RGL2: variants seen among roughly 807,000 people sequenced by gnomAD.
RGL2 encodes ral guanine nucleotide dissociation stimulator like 2.
A neutral mutation model predicts 84.6 loss-of-function variants in RGL2; 40 were observed. That is an observed-to-expected ratio of 0.47 (90% confidence interval 0.37 to 0.62). The LOEUF (loss-of-function observed/expected upper bound fraction) is 0.62, where lower values mean the gene tolerates loss of function less well. Among genes scored for constraint, RGL2 ranks in the 20% least tolerant of loss-of-function variants. RGL2 has a pLI of 0.00. For synonymous variants in RGL2, 369 were observed against 417.3 expected (o/e 0.88, Z 1.41); for missense variants, 865 against 1,019.7 (o/e 0.85, Z 2.07).
Position 33,296,507 on chromosome 6 carries a change from C to A in RGL2, c.420-43G>T, listed in dbSNP as rs772100294. 1.3e-6 allele frequency: 2 copies of A among 1,587,632 alleles called. No individual in the cohort carries two copies. The highest frequency in any genetic ancestry group is 1.7e-6 in the Non-Finnish European group (2 of 1,167,438). On this transcript the variant is annotated intron_variant, in intron 4 of 17. Transcript: ENST00000497454. This position sits in a 1 kb window ranked among gnomAD's most constrained non-coding sequence, Gnocchi z 5.0. ...ATCTATCTGTCCATTTTTCCCAAACCCTCAGTGGCTTTGACTATTTTGGTG... is the reference window on the plus strand; with the variant it reads ...ATCTATCTGTCCATTTTTCCCAAACACTCAGTGGCTTTGACTATTTTGGTG...
chr6:33,301,093 C>T (rs563786088), upstream of RGL2: 3 of 152,038 alleles, frequency 2.0e-5, no homozygotes, highest in African/African-American at 7.2e-5. Flanking sequence ...CCTATGTATT[C>T]TCGTGTTTTA....
chr6:33,294,576 C>G lies in RGL2; in HGVS notation c.1353+112G>C. 1 of 1,156,784 alleles carries G rather than the reference C, an allele frequency of 8.6e-7. No homozygotes were observed. Among genetic ancestry groups the G allele is most frequent in the East Asian group, 2.4e-5 (1 of 40,868 alleles). 71.7% of individuals were successfully genotyped at this position (1,156,784 alleles called of 1,614,324 possible). ...GGCACAGAAACAGATCTGGCTCTGT[C>G]CCACACTCAGCTATTTGTGCCTTAC... On this transcript the variant is annotated intron_variant, in intron 11 of 17. Transcript: ENST00000497454. The surrounding 1 kb of genome is among the most constrained non-coding windows in gnomAD (Gnocchi z 5.0).
chr6:33,298,108 C>G lies in RGL2; in HGVS notation c.156+347G>C. 1 of 190,264 alleles carries G rather than the reference C, an allele frequency of 5.3e-6. No homozygotes were observed. The highest frequency in any genetic ancestry group is 6.1e-5 in the Admixed American group (1 of 16,330). The allele number at this position is 190,264 out of a possible 1,614,324, so 11.8% of individuals were successfully genotyped here. On this transcript the variant is annotated intron_variant, in intron 2 of 17. Coordinates refer to ENST00000497454, the MANE Select transcript of RGL2 (RefSeq NM_004761.5). This position sits in a 1 kb window ranked among gnomAD's most constrained non-coding sequence, Gnocchi z 4.8. The stretch of plus-strand genomic sequence containing the variant: ...GGTTACTGTGGAAACAAACCCCTCC[C>G]CGCCAAACAAAAACAAGGAGGGAGA...
chr6:33,295,992 G>T lies in RGL2; in HGVS notation c.768+36C>A. On this transcript the variant is annotated intron_variant, in intron 6 of 17. Coordinates refer to ENST00000497454, the MANE Select transcript of RGL2 (RefSeq NM_004761.5). This position sits in a 1 kb window ranked among gnomAD's most constrained non-coding sequence, Gnocchi z 7.2. ...GGAGTCAAGGAGAGGTTAGTAAGGGGTCAGGGGGCATAGGGGCCAGAGGTC... is the reference window on the plus strand; with the variant it reads ...GGAGTCAAGGAGAGGTTAGTAAGGGTTCAGGGGGCATAGGGGCCAGAGGTC... 6.2e-7 allele frequency: 1 copy of T among 1,611,630 alleles called. No individual in the cohort carries two copies. Among genetic ancestry groups the T allele is most frequent in the Non-Finnish European group, 8.5e-7 (1 of 1,178,630 alleles).
chr6:33,298,313 G>A lies in RGL2; in HGVS notation c.156+142C>T, dbSNP rs972608365. ...AACCACGGAGACGCCAGGACTCCCCGCAGCAGAGAAACGGGCCGACACCCA... is the reference window on the plus strand; with the variant it reads ...AACCACGGAGACGCCAGGACTCCCCACAGCAGAGAAACGGGCCGACACCCA... On this transcript the variant is annotated intron_variant, in intron 2 of 17. Transcript: ENST00000497454. The surrounding 1 kb of genome is among the most constrained non-coding windows in gnomAD (Gnocchi z 4.8). 28 of 568,156 alleles carry A rather than the reference G, an allele frequency of 4.9e-5. No homozygotes were observed. Among genetic ancestry groups the A allele is most frequent in the Non-Finnish European group, 8.5e-5 (27 of 317,334 alleles). The allele number at this position is 568,156 out of a possible 1,614,324, so 35.2% of individuals were successfully genotyped here.
In RGL2 at chr6:33,294,113, G is replaced by A. The variant is rs572311254; in HGVS notation, c.1354-47C>T. The A allele has an allele frequency of 2.3e-5, 37 of 1,587,560 alleles. No individual in the cohort carries two copies. Among genetic ancestry groups the A allele is most frequent in the African/African-American group, 1.1e-4 (8 of 74,060 alleles). ...GGTGAAAGTTCCAACCCTACCTTCCGGCCACAGAGAGAGAATATCCCCTCT... is the reference window on the plus strand; with the variant it reads ...GGTGAAAGTTCCAACCCTACCTTCCAGCCACAGAGAGAGAATATCCCCTCT... On this transcript the variant is annotated intron_variant, in intron 11 of 17. Coordinates refer to ENST00000497454, the MANE Select transcript of RGL2 (RefSeq NM_004761.5). This position sits in a 1 kb window ranked among gnomAD's most constrained non-coding sequence, Gnocchi z 5.0.
chr6:33,294,746 AG>A lies in RGL2; in HGVS notation c.1294del (p.Gly433AlafsTer4). 6.2e-7 allele frequency: 1 copy of A among 1,614,024 alleles called. No homozygotes were observed. Among genetic ancestry groups the A allele is most frequent in the Non-Finnish European group, 8.5e-7 (1 of 1,179,988 alleles). On this transcript the variant is annotated frameshift_variant, in exon 11 of 18. Transcript: ENST00000497454. LOFTEE classifies it high-confidence loss of function. The surrounding 1 kb of genome is among the most constrained non-coding windows in gnomAD (Gnocchi z 5.0). ...CACAAGGTCCTTCAGGAAGGTGCCA[AG>A]GTATGGGACCACACCCTGAAGTCAG... The part of the protein sequence containing the change: ...GSRGGGVVPY[L>X]GTFLKDLVML...
At position 33,296,895 on chromosome 6, in the gene RGL2, A is replaced by T; in HGVS notation, c.241-119T>A. The T allele has an allele frequency of 6.6e-7, 1 of 1,511,500 alleles. No homozygotes were observed. Among genetic ancestry groups the T allele is most frequent in the Non-Finnish European group, 9.2e-7 (1 of 1,088,364 alleles). The allele number at this position is 1,511,500 out of a possible 1,614,324, so 93.6% of individuals were successfully genotyped here. A position where few individuals can be genotyped will look rare whatever the true frequency, so the allele number is the denominator to read the frequency against. On this transcript the variant is annotated intron_variant, in intron 3 of 17. Coordinates refer to ENST00000497454, the MANE Select transcript of RGL2 (RefSeq NM_004761.5). This position sits in a 1 kb window ranked among gnomAD's most constrained non-coding sequence, Gnocchi z 5.0. ...CATTTTTCTGATATTCAGAGAGGGC[A>T]AGAGTCTTGGCCTATGTCACACAGC...
Position 33,298,261 on chromosome 6 carries a change from G to C in RGL2, c.156+194C>G, listed in dbSNP as rs532993236. ...GGCAGGAACAGGGCAGGTTCCTGCG[G>C]GCAGGTCCTGAGTCACACTGACAGA... On this transcript the variant is annotated intron_variant, in intron 2 of 17. Coordinates refer to ENST00000497454, the MANE Select transcript of RGL2 (RefSeq NM_004761.5). This position sits in a 1 kb window ranked among gnomAD's most constrained non-coding sequence, Gnocchi z 4.8. The C allele has an allele frequency of 1.9e-6, 1 of 520,014 alleles. No homozygotes were observed. Among genetic ancestry groups the C allele is most frequent in the East Asian group, 3.6e-5 (1 of 28,036 alleles). 32.2% of individuals were successfully genotyped at this position (520,014 alleles called of 1,614,324 possible).
In RGL2 at chr6:33,295,858, G is replaced by C; in HGVS notation, c.769-99C>G. On this transcript the variant is annotated intron_variant, in intron 6 of 17. Transcript: ENST00000497454. The surrounding 1 kb of genome is among the most constrained non-coding windows in gnomAD (Gnocchi z 7.2). ...TCTCAGGTGGCCAAGGAACCAGAGGGGCACAGGGTTTGAAGGGTAACGACC... is the reference window on the plus strand; with the variant it reads ...TCTCAGGTGGCCAAGGAACCAGAGGCGCACAGGGTTTGAAGGGTAACGACC... 1 of 1,482,314 alleles carries C rather than the reference G, an allele frequency of 6.7e-7. No homozygotes were observed. The allele number at this position is 1,482,314 out of a possible 1,614,324, so 91.8% of individuals were successfully genotyped here.
chr6:33,300,939 C>G (rs1449501596), upstream of RGL2: 1 of 148,454 alleles, frequency 6.7e-6, no homozygotes, highest in Admixed American at 6.7e-5. Flanking sequence ...GCACTCCAGC[C>G]TGGGCGACAG....
chr6:33,298,328 G>GCCGA lies in RGL2; in HGVS notation c.156+123_156+126dup. On this transcript the variant is annotated intron_variant, in intron 2 of 17. Coordinates refer to ENST00000497454, the MANE Select transcript of RGL2 (RefSeq NM_004761.5). The surrounding 1 kb of genome is among the most constrained non-coding windows in gnomAD (Gnocchi z 4.8). Reference sequence around the variant, plus strand: ...AGGACTCCCCGCAGCAGAGAAACGGGCCGACACCCAGGGAGGCGCGAGAAT... The same window carrying GCCGA: ...AGGACTCCCCGCAGCAGAGAAACGGGCCGACCGACACCCAGGGAGGCGCGAGAAT... The GCCGA allele has an allele frequency of 1.7e-6, 1 of 588,450 alleles. No individual in the cohort carries two copies. Among genetic ancestry groups the GCCGA allele is most frequent in the Non-Finnish European group, 3.0e-6 (1 of 333,804 alleles). 36.5% of individuals were successfully genotyped at this position (588,450 alleles called of 1,614,324 possible). A position where few individuals can be genotyped will look rare whatever the true frequency, so the allele number is the denominator to read the frequency against.
rs747887700 is a variant in RGL2, at chr6:33,292,432, C to T, written c.2120G>A (p.Arg707Gln). ...GCCTTTCCCTCATGGCCTCTGACCTCGCTCCCCTGGTAGCAGCTGTACCAG... is the reference window on the plus strand; with the variant it reads ...GCCTTTCCCTCATGGCCTCTGACCTTGCTCCCCTGGTAGCAGCTGTACCAG... ...YELVQLLPGE[R>Q]ELTIPASANV... The change falls in exon 17 of 18, where the codon CGA becomes CAA. Residue 707 changes from arginine to glutamine, a missense_variant and splice_region_variant. Arg to Gln is a conservative substitution (Grantham distance 43). Transcript: ENST00000497454. 5.0e-6 allele frequency: 8 copies of T among 1,613,890 alleles called. No homozygotes were observed. The highest frequency in any genetic ancestry group is 4.4e-5 in the South Asian group (4 of 91,086).
chr6:33,294,881 C>A lies in RGL2; in HGVS notation c.1278+96G>T. 6.7e-7 allele frequency: 1 copy of A among 1,485,424 alleles called. No homozygotes were observed. The allele number at this position is 1,485,424 out of a possible 1,614,324, so 92.0% of individuals were successfully genotyped here. On this transcript the variant is annotated intron_variant, in intron 10 of 17. Transcript: ENST00000497454. The surrounding 1 kb of genome is among the most constrained non-coding windows in gnomAD (Gnocchi z 5.0). ...ATTTCATTCTCCTCACCCCTCTGTG[C>A]CTCCCTTACCCATCCTTCAGGCTGC... is the stretch of plus-strand genomic sequence containing the variant.
In RGL2 at chr6:33,298,227, G is replaced by C. The variant is rs1768196422; in HGVS notation, c.156+228C>G. On this transcript the variant is annotated intron_variant, in intron 2 of 17. Coordinates refer to ENST00000497454, the MANE Select transcript of RGL2 (RefSeq NM_004761.5). The surrounding 1 kb of genome is among the most constrained non-coding windows in gnomAD (Gnocchi z 4.8). ...CCCGCAGGGACAGGACAGCCAGCCA[G>C]AAGTTCCAGGCAGGAACAGGGCAGG... 1 of 467,476 alleles carries C rather than the reference G, an allele frequency of 2.1e-6. No homozygotes were observed. Among genetic ancestry groups the C allele is most frequent in the Non-Finnish European group, 3.9e-6 (1 of 256,318 alleles). 29.0% of individuals were successfully genotyped at this position (467,476 alleles called of 1,614,324 possible). A position where few individuals can be genotyped will look rare whatever the true frequency, so the allele number is the denominator to read the frequency against.
At position 33,296,437 on chromosome 6, in the gene RGL2, G is replaced by C; in HGVS notation, c.447C>G (p.Thr149=). The change falls in exon 5 of 18, where the codon ACC becomes ACG. Residue 149 remains threonine, a synonymous_variant. Transcript: ENST00000497454. This position sits in a 1 kb window ranked among gnomAD's most constrained non-coding sequence, Gnocchi z 5.0. ...ACTCTGTTGTCCTCTCTAGTTCGTC[G>C]GTAGGATGAGATTCAAGGGCTTCCA... ...DRLEALESHP[T]DELERTTEVA... 1 of 1,610,972 alleles carries C rather than the reference G, an allele frequency of 6.2e-7. No individual in the cohort carries two copies. Among genetic ancestry groups the C allele is most frequent in the Non-Finnish European group, 8.5e-7 (1 of 1,178,394 alleles).
At position 33,292,517 on chromosome 6, in the gene RGL2, C is replaced by T. The variant is rs746916008; in HGVS notation, c.2035G>A (p.Val679Ile). 2 of 1,614,122 alleles carry T rather than the reference C, an allele frequency of 1.2e-6. No homozygotes were observed. The highest frequency in any genetic ancestry group is 1.7e-6 in the Non-Finnish European group (2 of 1,179,992). The change falls in exon 17 of 18, where the codon GTC (valine) becomes ATC (isoleucine). Residue 679 changes from valine to isoleucine, a missense_variant. Physicochemically the swap from Val to Ile is conservative, Grantham distance 29. Around this residue, in one of 5 missense-constraint regions of RGL2, gnomAD observed 302 missense variants for 327.9 expected, o/e 0.92. Transcript: ENST00000497454. ...LVTSQDKAPSVISRVLKKNNR... is the reference protein window; with the variant it reads ...LVTSQDKAPSIISRVLKKNNR... ...TTTTTCTTAAGGACACGACTGATGA[C>T]ACTTGGAGCCTTGTCCTGGCTTGTC...
Position 33,295,087 on chromosome 6 carries a change from G to A in RGL2, c.1209+40C>T. ...AAAAGAGACATGGGGGAGCAGTAGG[G>A]AACAAGGAGAGGTGGGAATGCCACA... On this transcript the variant is annotated intron_variant, in intron 9 of 17. Coordinates refer to ENST00000497454, the MANE Select transcript of RGL2 (RefSeq NM_004761.5). The surrounding 1 kb of genome is among the most constrained non-coding windows in gnomAD (Gnocchi z 7.2). The A allele has an allele frequency of 6.3e-7, 1 of 1,595,290 alleles. No individual in the cohort carries two copies. Among genetic ancestry groups the A allele is most frequent in the Non-Finnish European group, 8.5e-7 (1 of 1,170,092 alleles).
chr6:33,296,720 G>A lies in RGL2; in HGVS notation c.297C>T (p.Ala99=). 1 of 1,613,986 alleles carries A rather than the reference G, an allele frequency of 6.2e-7. No homozygotes were observed. The highest frequency in any genetic ancestry group is 8.5e-7 in the Non-Finnish European group (1 of 1,180,026). The part of the protein sequence containing the change: ...SRRLRAGTLE[A]LVRHLLDTRT... ...GGGTATCCAGTAGGTGTCTGACCAG[G>A]GCCTCCAGAGTGCCAGCTCGGAGCC... The change falls in exon 4 of 18, where the codon GCC becomes GCT. Residue 99 remains alanine (A), a synonymous_variant. Coordinates refer to ENST00000497454, the MANE Select transcript of RGL2 (RefSeq NM_004761.5). The surrounding 1 kb of genome is among the most constrained non-coding windows in gnomAD (Gnocchi z 5.0).
Sources: allele counts gnomAD v4.1 joint callset, GRCh38; gene constraint gnomAD v4.1.1; regional missense constraint gnomAD v4.1.1; non-coding constraint Gnocchi (gnomAD v3.1); transcripts MANE v1.5; gene names NCBI Gene and HGNC (gene_info 2026-07-23, HGNC 2026-07-21).